MCTP2: variants seen among roughly 807,000 people sequenced by gnomAD.
The protein encoded by MCTP2 is multiple C2 and transmembrane domain-containing protein 2.
In MCTP2, 132 loss-of-function variants were observed where a neutral mutation model predicts 111.6. The ratio of observed to expected loss-of-function variants is 1.18; its 90% confidence interval spans 1.03 to 1.37. MCTP2 has a LOEUF of 1.37. MCTP2 is among the 40% of genes most tolerant of loss of function. MCTP2 has a pLI of 0.00. For synonymous variants in MCTP2, 395 were observed against 387.7 expected (o/e 1.02, Z -0.22); for missense variants, 1,183 against 1,067.9 (o/e 1.11, Z -1.50).
intron 19 of MCTP2, among the ~76,000 whole-genome samples, chr15:94,457,893 T>C (rs1331668492): frequency 6.6e-6 from 1 of 152,112 alleles, no homozygotes; most frequent in African/African-American, 2.4e-5. Context: ...TCTGTGGGCT[T>C]CCCTTTATCA....
At chr15:94,402,398 A>G in intron 17 of MCTP2, 1 of 1,514,262 alleles carries the variant, frequency 6.6e-7, no homozygotes, top group South Asian at 1.3e-5. Flanking sequence ...TTTTAAGTAA[A>G]TTATTCCCAA....
intron 19 of MCTP2, among the ~76,000 whole-genome samples, chr15:94,451,202 T>TAA (rs1191323604): frequency 6.6e-6 from 1 of 152,252 alleles, no homozygotes; most frequent in Non-Finnish European, 1.5e-5. Context: ...GGTGGGCTTG[T>TAA]ACTCATCTTC....
chr15:94,465,092 T>C (rs1213696972), intron 20 of MCTP2, among the ~76,000 whole-genome samples: 1 of 152,162 alleles, frequency 6.6e-6, no homozygotes, highest in Non-Finnish European at 1.5e-5. Context: ...TTGAATTTTA[T>C]CTGTTTTTGC....
In MCTP2 at chr15:94,482,127, A is replaced by G. The variant is rs577036480; in HGVS notation, c.*3093A>G. On this transcript the variant is annotated 3_prime_UTR_variant, in exon 23 of 23. Transcript: ENST00000357742. ...TTTAACAAGTCTATATTGAATGCCGATAATTTTCTGGAACAAAACAGACTA... is the reference window on the plus strand; with the variant it reads ...TTTAACAAGTCTATATTGAATGCCGGTAATTTTCTGGAACAAAACAGACTA... 6.6e-6 allele frequency: 1 copy of G among 152,304 alleles called. No homozygotes were observed. Among genetic ancestry groups the G allele is most frequent in the East Asian group, 1.9e-4 (1 of 5,186 alleles). 9.4% of individuals were successfully genotyped at this position (152,304 alleles called of 1,614,324 possible).
chr15:94,296,335 G>T (rs1401589758), intron 1 of MCTP2, among the ~76,000 whole-genome samples: 1 of 152,156 alleles, frequency 6.6e-6, no homozygotes, highest in African/African-American at 2.4e-5. Flanking sequence ...AAAAAAAGTT[G>T]TAAACTATTT....
rs1360771381 is a variant in MCTP2, at chr15:94,440,253, C to T, written c.2163C>T (p.Phe721=). Residue 721 remains phenylalanine, a synonymous_variant, in exon 18 of 23, where the codon TTC becomes TTT. Coordinates refer to ENST00000357742, the MANE Select transcript of MCTP2 (RefSeq NM_001385001.1). ...TGTTGCTGATCTTTGTCTACAATTT[C>T]ATCAGACCTGTGAAAGGCAAGGTCA... is the stretch of plus-strand genomic sequence containing the variant. ...LALLLIFVYN[F]IRPVKGKVSS... The T allele has an allele frequency of 6.2e-7, 1 of 1,613,942 alleles. No homozygotes were observed. The highest frequency in any genetic ancestry group is 8.5e-7 in the Non-Finnish European group (1 of 1,179,988).
intron 20 of MCTP2, among the ~76,000 whole-genome samples, chr15:94,469,770 G>C (rs1396136524): frequency 6.6e-6 from 1 of 152,038 alleles, no homozygotes; most frequent in Non-Finnish European, 1.5e-5. Context: ...TACTAAGGAG[G>C]CTAAAGCAGG....
rs550306815 is a variant in MCTP2, at chr15:94,430,443, A to G, written c.2086-9733A>G. 4.4e-3 allele frequency among the ~76,000 whole-genome samples: 597 copies of G among 134,262 alleles called. 13 individuals are homozygous for G. Among genetic ancestry groups the G allele is most frequent in the Admixed American group, 0.037 (491 of 13,280 alleles). 88.1% of individuals were successfully genotyped at this position (134,262 alleles called of 152,430 possible). ...CACACACACACACACACACACACACACTGGAAGGCTGGGCATGGTGACTCA... is the reference window on the plus strand; with the variant it reads ...CACACACACACACACACACACACACGCTGGAAGGCTGGGCATGGTGACTCA... On this transcript the variant is annotated intron_variant, in intron 17 of 22. Transcript: ENST00000357742.
chr15:94,364,989 T>TAG (rs1372971016), intron 10 of MCTP2, among the ~76,000 whole-genome samples: 1 of 152,166 alleles, frequency 6.6e-6, no homozygotes, highest in Non-Finnish European at 1.5e-5. Context: ...ACCAGGTGGG[T>TAG]AGAAGAGTTA....
rs936738372 is a variant in MCTP2, at chr15:94,349,317, T to TG, written c.1005+4153_1005+4154insG. Among the ~76,000 whole-genome samples the TG allele has an allele frequency of 5.3e-5, 8 of 152,242 alleles. No homozygotes were observed. In the East Asian group the frequency reaches 1.5e-3, roughly 29 times the overall value. On this transcript the variant is annotated intron_variant, in intron 8 of 22. Transcript: ENST00000357742. ...CTGTCTTCCTTAACATCTCATCAAA[T>TG]CTCTCCTCTCAGTGATGTTTGACTC...
At chr15:94,475,282 G>C (rs546367028) in intron 21 of MCTP2, among the ~76,000 whole-genome samples, 1 of 152,138 alleles carries the variant, frequency 6.6e-6, no homozygotes, top group African/African-American at 2.4e-5. Flanking sequence ...AGGGAAAGGC[G>C]ATCATTTGCT....
chr15:94,303,644 G>T (rs1221746406), intron 2 of MCTP2, among the ~76,000 whole-genome samples: 1 of 152,106 alleles, frequency 6.6e-6, no homozygotes, highest in East Asian at 1.9e-4. Context: ...GTTGCCCCGT[G>T]GTTCAGTCAT....
chr15:94,356,003 A>G (rs905975471), intron 8 of MCTP2, 134 bp from the exon 9 acceptor site: 36 of 1,354,784 alleles, frequency 2.7e-5, no homozygotes, highest in Non-Finnish European at 3.4e-5. Flanking sequence ...AAACCAATGA[A>G]AAAAACAGTT....
chr15:94,432,705 T>C (rs958242982), intron 17 of MCTP2, among the ~76,000 whole-genome samples: 2 of 152,214 alleles, frequency 1.3e-5, no homozygotes, highest in Non-Finnish European at 2.9e-5. Context: ...AATCATACTT[T>C]GCTTTGTTTC....
rs532160066 is a variant in MCTP2 at position 94,251,587 on chromosome 15, G to A, written c.-66+19923G>A. ...TCAGTCAGGCTGGTGTCGAACTCCC[G>A]ACGTCGGGTGATCCACCTGCCTCGG... On this transcript the variant is annotated intron_variant, in intron 1 of 22. Coordinates refer to ENST00000357742, the MANE Select transcript of MCTP2 (RefSeq NM_001385001.1). Among the ~76,000 whole-genome samples, 107 of 152,274 alleles carry A rather than the reference G, an allele frequency of 7.0e-4. 1 individual carries two copies. Among genetic ancestry groups the A allele is most frequent in the Middle Eastern group, 3.4e-3 (1 of 294 alleles).
chr15:94,340,750 G>T (rs2077592717), intron 6 of MCTP2, 63 bp from the exon 7 acceptor site: 2 of 961,330 alleles, frequency 2.1e-6, no homozygotes, highest in Non-Finnish European at 3.2e-6. Flanking sequence ...AGCTCCTGAT[G>T]CGTGTAGGTC....
intron 19 of MCTP2, among the ~76,000 whole-genome samples, chr15:94,444,909 C>A (rs1303775406): frequency 1.3e-5 from 2 of 152,116 alleles, no homozygotes; most frequent in Non-Finnish European, 2.9e-5. Flanking sequence ...GACCATGTAT[C>A]TTTGGCCCAT....
intron 3 of MCTP2, chr15:94,314,794 C>G (rs1251848894): frequency 2.2e-6 from 1 of 455,236 alleles, no homozygotes; most frequent in East Asian, 6.9e-5. Flanking sequence ...CAAAAACAGA[C>G]TTGAATTCTA....
intron 4 of MCTP2, among the ~76,000 whole-genome samples, chr15:94,329,522 AAG>A (rs1032785074): frequency 1.3e-5 from 2 of 151,938 alleles, no homozygotes; most frequent in Non-Finnish European, 2.9e-5. Flanking sequence ...GAGCAGGAGC[AAG>A]AGAGAGAGAG....
Sources: allele counts gnomAD v4.1 joint callset (sites outside exome capture counted in the v4.1 genomes callset), GRCh38; gene constraint gnomAD v4.1.1; transcripts MANE v1.5; gene names NCBI Gene and HGNC (gene_info 2026-07-23, HGNC 2026-07-21).